Variants in ACP3 observed in about 807,000 individuals in gnomAD.
ACP3 encodes the protein acid phosphatase 3.
A neutral mutation model predicts 45.6 loss-of-function variants in ACP3; 38 were observed. The ratio of observed to expected loss-of-function variants is 0.83; its 90% confidence interval spans 0.64 to 1.09. The LOEUF is 1.09. Ranked by LOEUF, ACP3 falls within the 50% of genes least tolerant of loss-of-function variation. The pLI is 0.00. For synonymous variants in ACP3, 162 were observed against 164.7 expected, an observed-to-expected ratio of 0.98 and a Z score of 0.13; for missense variants, 466 against 463.2, an observed-to-expected ratio of 1.01 and a Z score of -0.05.
chr3:132,328,100 A>T (rs1404325178), intron 1 of ACP3, among the ~76,000 whole-genome samples, 167 bp from the exon 2 acceptor site: 1 of 152,214 alleles, frequency 6.6e-6, no homozygotes, highest in Non-Finnish European at 1.5e-5. Context: ...AATAAAAATC[A>T]CTAAGGTTGA....
Position 132,331,685 on chromosome 3 carries a change from A to C in ACP3, c.255A>C (p.Ile85=). Residue 85 remains isoleucine (I), a synonymous_variant, in exon 3 of 10, where the codon ATA becomes ATC. Coordinates refer to ENST00000336375, the MANE Select transcript of ACP3 (RefSeq NM_001099.5). ...MEQHYELGEY[I]RKRYRKFLNE... is the part of the protein sequence containing the mutation. ...AGCATTATGAACTTGGAGAGTATAT[A>C]AGAAAGAGATATAGAAAATTCTTGA... 1 of 1,607,918 alleles carries C rather than the reference A, an allele frequency of 6.2e-7. No homozygotes were observed. The highest frequency in any genetic ancestry group is 1.3e-5 in the African/African-American group (1 of 74,752).
At chr3:132,326,111 G>A (rs987701943) in intron 1 of ACP3, among the ~76,000 whole-genome samples, 3 of 152,092 alleles carry the variant, frequency 2.0e-5, no homozygotes, top group African/African-American at 7.2e-5. Context: ...GGCAGAAAAT[G>A]TGCCTTTTTC....
At chr3:132,330,066 G>A (rs1290191956) in intron 2 of ACP3, among the ~76,000 whole-genome samples, 1 of 151,714 alleles carries the variant, frequency 6.6e-6, no homozygotes, top group Non-Finnish European at 1.5e-5. Flanking sequence ...CTACAGGAGA[G>A]CACCACCACG....
downstream of ACP3, among the ~76,000 whole-genome samples, chr3:132,359,430 C>G (rs778475405): frequency 6.6e-6 from 1 of 152,114 alleles, no homozygotes; most frequent in Non-Finnish European, 1.5e-5. Context: ...ATGGCGTGAA[C>G]CCGGGAAGCG....
chr3:132,328,983 C>A (rs776244318), intron 2 of ACP3, among the ~76,000 whole-genome samples: 1 of 152,262 alleles, frequency 6.6e-6, no homozygotes, highest in Middle Eastern at 3.4e-3. Context: ...TTCTTGTCAG[C>A]TGGATATATT....
intron 5 of ACP3, among the ~76,000 whole-genome samples, chr3:132,339,790 C>G (rs1236397226): frequency 2.0e-5 from 3 of 152,078 alleles, no homozygotes; most frequent in Non-Finnish European, 4.4e-5. Context: ...TTGATTAAGC[C>G]ACAGGCTATT....
chr3:132,365,008 A>G (rs1012077186), intron 10 of ACP3, among the ~76,000 whole-genome samples: 10 of 152,234 alleles, frequency 6.6e-5, no homozygotes, highest in African/African-American at 2.4e-4. Flanking sequence ...CTCTCAGGGT[A>G]TAACTTAAAA....
In ACP3 at chr3:132,342,406, T is replaced by C. The variant is rs1937561982; in HGVS notation, c.556-146T>C. On this transcript the variant is annotated intron_variant, in intron 5 of 9. Transcript: ENST00000336375. ...GGAGATTAGGAATGCTACTGGCATC[T>C]AGTGGGCAGAGGCCAGGATACTGTG... is the stretch of plus-strand genomic sequence containing the variant. 5.8e-6 allele frequency: 3 copies of C among 513,316 alleles called. No homozygotes were observed. The South Asian group carries it at 9.0e-5, about 15-fold the overall frequency. 31.8% of individuals were successfully genotyped at this position (513,316 alleles called of 1,614,324 possible). A position where few individuals can be genotyped will look rare whatever the true frequency, so the allele number is the denominator to read the frequency against.
In ACP3 at chr3:132,357,361, C is replaced by T; in HGVS notation, c.*483C>T. The T allele has an allele frequency of 3.0e-6, 3 of 985,466 alleles. No homozygotes were observed. The highest frequency in any genetic ancestry group is 3.6e-6 in the Non-Finnish European group (3 of 830,032). 61.0% of individuals were successfully genotyped at this position (985,466 alleles called of 1,614,324 possible). ...GCTGATGGGCAAAAAACCAATTTACCCATCAGTTCCAGCCTTCTCTCAAGG... is the reference window on the plus strand; with the variant it reads ...GCTGATGGGCAAAAAACCAATTTACTCATCAGTTCCAGCCTTCTCTCAAGG... On this transcript the variant is annotated 3_prime_UTR_variant, in exon 10 of 10. Coordinates refer to ENST00000336375, the MANE Select transcript of ACP3 (RefSeq NM_001099.5).
At chr3:132,324,747 A>C (rs574781905) in intron 1 of ACP3, among the ~76,000 whole-genome samples, 62 of 152,244 alleles carry the variant, frequency 4.1e-4, no homozygotes, top group African/African-American at 1.4e-3. Context: ...GGTTCAAGTG[A>C]TTCTCCTGCC....
At chr3:132,341,691 T>C (rs1203479416) in intron 5 of ACP3, among the ~76,000 whole-genome samples, 1 of 152,236 alleles carries the variant, frequency 6.6e-6, no homozygotes, top group Admixed American at 6.5e-5. Flanking sequence ...TAATTTACTC[T>C]TGAAAAGCTT....
intron 9 of ACP3, among the ~76,000 whole-genome samples, chr3:132,354,884 T>C (rs569827242): frequency 5.1e-4 from 78 of 152,356 alleles, no homozygotes; most frequent in African/African-American, 1.9e-3. Flanking sequence ...TTGGCTTGTG[T>C]CTTCACCACT....
Position 132,320,349 on chromosome 3 carries a change from T to G in ACP3, c.120+2773T>G, listed in dbSNP as rs1004526961. ...GTCCTCATCAACCAGCTTCAAAGACTATCACCCATGCAATCTTGTTTCATC... is the reference window on the plus strand; with the variant it reads ...GTCCTCATCAACCAGCTTCAAAGACGATCACCCATGCAATCTTGTTTCATC... On this transcript the variant is annotated intron_variant, in intron 1 of 9. Coordinates refer to ENST00000336375, the MANE Select transcript of ACP3 (RefSeq NM_001099.5). Among the ~76,000 whole-genome samples, 3 of 152,286 alleles carry G rather than the reference T, an allele frequency of 2.0e-5. No homozygotes were observed. In the East Asian group the frequency reaches 5.8e-4, roughly 29 times the overall value.
chr3:132,321,559 C>T (rs1937207650), intron 1 of ACP3, among the ~76,000 whole-genome samples: 1 of 152,230 alleles, frequency 6.6e-6, no homozygotes, highest in Non-Finnish European at 1.5e-5. Context: ...AGTTTGCTTA[C>T]ATGAGCTTCT....
At chr3:132,354,646 G>A (rs919226439) in intron 9 of ACP3, among the ~76,000 whole-genome samples, 1 of 152,110 alleles carries the variant, frequency 6.6e-6, no homozygotes, top group Non-Finnish European at 1.5e-5. Context: ...GAGAAGATAC[G>A]GAGAGAGACA....
intron 5 of ACP3, among the ~76,000 whole-genome samples, chr3:132,341,306 T>C (rs1436381974): frequency 5.3e-5 from 8 of 152,208 alleles, no homozygotes; most frequent in Non-Finnish European, 1.0e-4. Context: ...CCACCTTTCT[T>C]ATTTTCTTGA....
intron 9 of ACP3, among the ~76,000 whole-genome samples, chr3:132,353,700 G>C (rs1401588407): frequency 6.6e-6 from 1 of 152,182 alleles, no homozygotes; most frequent in Non-Finnish European, 1.5e-5. Context: ...AGTTACATGG[G>C]GACCTGGCTC....
chr3:132,355,471 CTTATT>C (rs752733970), intron 9 of ACP3, among the ~76,000 whole-genome samples: 1 of 146,322 alleles, frequency 6.8e-6, no homozygotes, highest in Non-Finnish European at 1.5e-5. Flanking sequence ...TTATAGACAT[CTTATT>C]TTATTTTATC....
intron 4 of ACP3, among the ~76,000 whole-genome samples, chr3:132,334,985 A>G (rs1441005047): frequency 6.6e-6 from 1 of 151,178 alleles, no homozygotes; most frequent in African/African-American, 2.4e-5. Flanking sequence ...AATGGAAAAC[A>G]CCATAAACTG....
Sources: gnomAD v4.1 joint callset for allele counts (sites outside exome capture counted in the v4.1 genomes callset) on GRCh38, gnomAD v4.1.1 for gene constraint, MANE v1.5 for transcripts, NCBI Gene and HGNC (gene_info 2026-07-23, HGNC 2026-07-21) for gene names.